The following PLCG1 variants were observed in gnomAD, a reference collection of about 807,000 sequenced individuals.
PLCG1 encodes 1-phosphatidylinositol 4,5-bisphosphate phosphodiesterase gamma-1.
PLCG1 carries 71 observed loss-of-function variants against 177.8 expected under a neutral mutation model. The observed-to-expected ratio is 0.40, with a 90% CI of 0.33 to 0.49. The LOEUF is 0.49. Among genes scored for constraint, PLCG1 ranks in the 20% least tolerant of loss-of-function variants. PLCG1 has a pLI of 0.72. For synonymous variants in PLCG1, 658 were observed against 647.9 expected (o/e 1.02, Z -0.24); for missense variants, 1,281 against 1,709.0 (o/e 0.75, Z 4.42).
rs1196052331 is a variant in PLCG1, at chr20:41,165,609, A to G, written c.1612-30A>G. The G allele has an allele frequency of 7.4e-6, 12 of 1,611,484 alleles. No individual in the cohort carries two copies. The highest frequency in any genetic ancestry group is 1.0e-5 in the Non-Finnish European group (12 of 1,177,764). On this transcript the variant is annotated intron_variant, in intron 15 of 31. Transcript: ENST00000685551. The surrounding 1 kb of genome is among the most constrained non-coding windows in gnomAD (Gnocchi z 6.6). The stretch of plus-strand genomic sequence containing the variant: ...CAGGTCAGGCCTGGGCCAGGGTCAC[A>G]GTATCTTTGCTGTTGCCTTCCCCTG...
Position 41,148,926 on chromosome 20 carries a change from TAA to T in PLCG1, c.218-10679_218-10678del, listed in dbSNP as rs1396082442. ...GCCACTCACCAACTGCCACCTTAGG[TAA>T]GTTAATTAACCTCTTTGTGCTCAAT... On this transcript the variant is annotated intron_variant, in intron 1 of 31. Coordinates refer to ENST00000685551, the MANE Select transcript of PLCG1 (RefSeq NM_002660.3). The surrounding 1 kb of genome is among the most constrained non-coding windows in gnomAD (Gnocchi z 4.3). Among the ~76,000 whole-genome samples, 2 of 152,184 alleles carry T rather than the reference TAA, an allele frequency of 1.3e-5. No individual in the cohort carries two copies. Among genetic ancestry groups the T allele is most frequent in the Non-Finnish European group, 2.9e-5 (2 of 68,036 alleles).
chr20:41,174,242 A>C lies in PLCG1; in HGVS notation c.3764A>C (p.Gln1255Pro), dbSNP rs781256647. 6.2e-7 allele frequency: 1 copy of C among 1,614,078 alleles called. No homozygotes were observed. Among genetic ancestry groups the C allele is most frequent in the Non-Finnish European group, 8.5e-7 (1 of 1,180,040 alleles). ...GAAGGCTCCTTTGAATCCCGCTACCAGCAGCCGTTTGAGGACTTCCGCATC... is the reference window on the plus strand; with the variant it reads ...GAAGGCTCCTTTGAATCCCGCTACCCGCAGCCGTTTGAGGACTTCCGCATC... ...AREGSFESRY[Q>P]QPFEDFRISQ... is the part of the protein sequence containing the mutation. The change falls in exon 31 of 32, where the codon CAG (glutamine) becomes CCG (proline). Residue 1255 changes from glutamine to proline, a missense_variant. Gln to Pro is a moderately conservative substitution (Grantham distance 76). Transcript: ENST00000685551. The surrounding 1 kb of genome is among the most constrained non-coding windows in gnomAD (Gnocchi z 5.8).
At chr20:41,170,352 C>G in intron 24 of PLCG1, 83 bp downstream of exon 24, 2 of 1,490,536 alleles carry the variant, frequency 1.3e-6, no homozygotes, top group Non-Finnish European at 1.9e-6. Context: ...CACAGGCCCC[C>G]TCAGAGCAGT....
At chr20:41,154,522 T>G (rs373539127) in intron 1 of PLCG1, among the ~76,000 whole-genome samples, 1 of 152,200 alleles carries the variant, frequency 6.6e-6, no homozygotes, top group Admixed American at 6.5e-5. Context: ...ACTGCCCTTA[T>G]GCACATCCTC....
At position 41,147,974 on chromosome 20, in the gene PLCG1, A is replaced by C. The variant is rs939867448; in HGVS notation, c.217+10116A>C. 2.0e-5 allele frequency among the ~76,000 whole-genome samples: 3 copies of C among 152,150 alleles called. No individual in the cohort carries two copies. Among genetic ancestry groups the C allele is most frequent in the Admixed American group, 1.3e-4 (2 of 15,268 alleles). On this transcript the variant is annotated intron_variant, in intron 1 of 31. Coordinates refer to ENST00000685551, the MANE Select transcript of PLCG1 (RefSeq NM_002660.3). This position sits in a 1 kb window ranked among gnomAD's most constrained non-coding sequence, Gnocchi z 4.0. ...GGGGCCCTGTTTCCCAGGAAGCAAA[A>C]AGGGAACAGGAGAGTGGCTTGGCTT...
chr20:41,170,187 T>TG lies in PLCG1; in HGVS notation c.2728dup (p.Asp910GlyfsTer19). On this transcript the variant is annotated frameshift_variant, in exon 24 of 32. Coordinates refer to ENST00000685551, the MANE Select transcript of PLCG1 (RefSeq NM_002660.3). LOFTEE classifies it high-confidence loss of function. ...ATGGCGTCGGTGGCCCACTGGTCCC[T>TG]GGATGTTGCTGCCGACTCACAGGAG... 6.2e-7 allele frequency: 1 copy of TG among 1,614,106 alleles called. No homozygotes were observed. Among genetic ancestry groups the TG allele is most frequent in the South Asian group, 1.1e-5 (1 of 91,076 alleles).
rs142031150 is a variant in PLCG1 at position 41,153,669 on chromosome 20, G to A, written c.218-5937G>A. On this transcript the variant is annotated intron_variant, in intron 1 of 31. Transcript: ENST00000685551. This position sits in a 1 kb window ranked among gnomAD's most constrained non-coding sequence, Gnocchi z 5.1. ...CCCAGCACTTTGGGAGGCCGAGGCA[G>A]GCGAATCACTGGAGGTCAGGAGTTT... Among the ~76,000 whole-genome samples, 53 of 152,306 alleles carry A rather than the reference G, an allele frequency of 3.5e-4. 2 individuals carry two copies. The East Asian group carries it at 4.2e-3, about 12-fold the overall frequency.
chr20:41,173,974 C>T lies in PLCG1; in HGVS notation c.3608C>T (p.Ala1203Val), dbSNP rs1318448095. The part of the protein sequence containing the change: ...KNNYSEDLEL[A>V]SLLIKIDIFP... ...AACTACAGTGAGGACCTGGAGTTGGCCTCCCTGCTGATCAAGATTGACATT... is the reference window on the plus strand; with the variant it reads ...AACTACAGTGAGGACCTGGAGTTGGTCTCCCTGCTGATCAAGATTGACATT... The change falls in exon 30 of 32, where the codon GCC becomes GTC. Residue 1203 changes from alanine to valine, a missense_variant. Around this residue, in one of 4 missense-constraint regions of PLCG1, gnomAD observed 153 missense variants for 153.2 expected, o/e 1.00. Coordinates refer to ENST00000685551, the MANE Select transcript of PLCG1 (RefSeq NM_002660.3). The surrounding 1 kb of genome is among the most constrained non-coding windows in gnomAD (Gnocchi z 6.2). 5 of 1,613,970 alleles carry T rather than the reference C, an allele frequency of 3.1e-6. No individual in the cohort carries two copies. The highest frequency in any genetic ancestry group is 3.4e-6 in the Non-Finnish European group (4 of 1,179,966).
intron 1 of PLCG1, among the ~76,000 whole-genome samples, chr20:41,141,393 GA>G (rs1196752584): frequency 2.0e-5 from 3 of 152,254 alleles, no homozygotes; most frequent in Non-Finnish European, 2.9e-5. Context: ...GAGGGTGGCG[GA>G]AGAAAACAGC....
At position 41,172,309 on chromosome 20, in the gene PLCG1, C is replaced by T. The variant is rs369641099; in HGVS notation, c.2905+20C>T. On this transcript the variant is annotated intron_variant, in intron 25 of 31. Transcript: ENST00000685551. This position sits in a 1 kb window ranked among gnomAD's most constrained non-coding sequence, Gnocchi z 7.0. ...AAGAGAGTAAGGGCCAGGGCCCAGG[C>T]GGGGTGTGCATGTGCCTGGAGGGCC... The T allele has an allele frequency of 2.1e-5, 33 of 1,601,974 alleles. No homozygotes were observed. Among genetic ancestry groups the T allele is most frequent in the African/African-American group, 5.4e-5 (4 of 74,644 alleles).
In PLCG1 at chr20:41,176,033, T is replaced by C. The variant is rs1414493888; in HGVS notation, c.*1524T>C. The C allele has an allele frequency of 6.6e-6, 1 of 152,168 alleles. No individual in the cohort carries two copies. The highest frequency in any genetic ancestry group is 1.5e-5 in the Non-Finnish European group (1 of 68,034). 9.4% of individuals were successfully genotyped at this position (152,168 alleles called of 1,614,324 possible). On this transcript the variant is annotated 3_prime_UTR_variant, in exon 32 of 32. Coordinates refer to ENST00000685551, the MANE Select transcript of PLCG1 (RefSeq NM_002660.3). ...TTTCCAGTTCCACAGAAACCTCTCC[T>C]TTCAAAAATGTTGCATTCAGTTCGT... is the stretch of plus-strand genomic sequence containing the variant.
chr20:41,137,579 C>T lies in PLCG1; in HGVS notation c.-63C>T. On this transcript the variant is annotated 5_prime_UTR_variant, in exon 1 of 32. Coordinates refer to ENST00000685551, the MANE Select transcript of PLCG1 (RefSeq NM_002660.3). The surrounding 1 kb of genome is among the most constrained non-coding windows in gnomAD (Gnocchi z 7.3). ...CAGCCTCAGCCCCAACCTCAGCCGCCGCCGTTGCGCTTGCTCCCGGGCGGT... is the reference window on the plus strand; with the variant it reads ...CAGCCTCAGCCCCAACCTCAGCCGCTGCCGTTGCGCTTGCTCCCGGGCGGT... The T allele has an allele frequency of 1.9e-6, 2 of 1,037,912 alleles. No individual in the cohort carries two copies. The highest frequency in any genetic ancestry group is 2.5e-6 in the Non-Finnish European group (2 of 805,556). The allele number at this position is 1,037,912 out of a possible 1,614,324, so 64.3% of individuals were successfully genotyped here.
chr20:41,157,281 A>T lies in PLCG1; in HGVS notation c.218-2325A>T, dbSNP rs903080075. Among the ~76,000 whole-genome samples, 18 of 137,510 alleles carry T rather than the reference A, an allele frequency of 1.3e-4. No homozygotes were observed. The highest frequency in any genetic ancestry group is 2.3e-4 in the Non-Finnish European group (15 of 64,856). 90.2% of individuals were successfully genotyped at this position (137,510 alleles called of 152,430 possible). On this transcript the variant is annotated intron_variant, in intron 1 of 31. Coordinates refer to ENST00000685551, the MANE Select transcript of PLCG1 (RefSeq NM_002660.3). The surrounding 1 kb of genome is among the most constrained non-coding windows in gnomAD (Gnocchi z 5.4). ...CTTTGCAAGAAGGTGTGGGAGGGGG[A>T]TGACAGCAGCTCCACACCGGAAGAG...
rs35010470 is a variant in PLCG1, at chr20:41,169,185, G to A, written c.2580+10G>A. On this transcript the variant is annotated intron_variant, in intron 22 of 31. Transcript: ENST00000685551. ...GGAGCCGGAGAGGGAGGTAAGACCAGAACCACCTGAGTAACAGCATTCCCT... is the reference window on the plus strand; with the variant it reads ...GGAGCCGGAGAGGGAGGTAAGACCAAAACCACCTGAGTAACAGCATTCCCT... 59 of 1,567,388 alleles carry A rather than the reference G, an allele frequency of 3.8e-5. No individual in the cohort carries two copies. The Admixed American group carries it at 9.8e-4, about 26-fold the overall frequency.
In PLCG1 at chr20:41,167,853, A is replaced by T; in HGVS notation, c.2303A>T (p.Glu768Val). ...TATCCCATTGTGTCCTGTTTCCAGGAGCCTGACTACGGGGCCCTGTATGAG... is the reference window on the plus strand; with the variant it reads ...TATCCCATTGTGTCCTGTTTCCAGGTGCCTGACTACGGGGCCCTGTATGAG... ...EEALEKIGTA[E>V]PDYGALYEGR... The change falls in exon 20 of 32, where the codon GAG (glutamate) becomes GTG (valine). Residue 768 changes from glutamate to valine, a missense_variant and splice_region_variant. Coordinates refer to ENST00000685551, the MANE Select transcript of PLCG1 (RefSeq NM_002660.3). The surrounding 1 kb of genome is among the most constrained non-coding windows in gnomAD (Gnocchi z 4.4). 6.2e-7 allele frequency: 1 copy of T among 1,611,482 alleles called. No individual in the cohort carries two copies. Among genetic ancestry groups the T allele is most frequent in the South Asian group, 1.1e-5 (1 of 91,024 alleles).
Position 41,163,521 on chromosome 20 carries a change from T to A in PLCG1, c.891+42T>A, listed in dbSNP as rs1171506739. ...ACCCATTTTTTGTCAAGAGAATGAG[T>A]AGGGGTGACCAGGACCCCACCCGGG... On this transcript the variant is annotated intron_variant, in intron 9 of 31. Coordinates refer to ENST00000685551, the MANE Select transcript of PLCG1 (RefSeq NM_002660.3). The surrounding 1 kb of genome is among the most constrained non-coding windows in gnomAD (Gnocchi z 5.2). The A allele has an allele frequency of 3.5e-6, 5 of 1,441,254 alleles. No individual in the cohort carries two copies. In the South Asian group the frequency reaches 4.5e-5, roughly 13 times the overall value. 89.3% of individuals were successfully genotyped at this position (1,441,254 alleles called of 1,614,324 possible).
intron 23 of PLCG1, 99 bp from the exon 24 acceptor site, chr20:41,170,013 G>A (rs2035840478): frequency 9.1e-7 from 1 of 1,096,952 alleles, no homozygotes. Flanking sequence ...GAGGAAATGG[G>A]ATGAGATAGA....
rs867940671 is a variant in PLCG1 at position 41,172,086 on chromosome 20, A to G, written c.2809-107A>G. The G allele has an allele frequency of 2.5e-6, 2 of 806,262 alleles. No individual in the cohort carries two copies. Among genetic ancestry groups the G allele is most frequent in the Middle Eastern group, 2.7e-4 (1 of 3,662 alleles). 49.9% of individuals were successfully genotyped at this position (806,262 alleles called of 1,614,324 possible). The stretch of plus-strand genomic sequence containing the variant: ...TGGAAGGTACAGGGGAAGGTGGGAG[A>G]GGGGCCCAGAGCACCTGCAGTGTGG... On this transcript the variant is annotated intron_variant, in intron 24 of 31. Coordinates refer to ENST00000685551, the MANE Select transcript of PLCG1 (RefSeq NM_002660.3). This position sits in a 1 kb window ranked among gnomAD's most constrained non-coding sequence, Gnocchi z 7.0.
rs1226213022 is a variant in PLCG1 at position 41,160,754 on chromosome 20, A to G, written c.512+601A>G. ...GGTAGGAAGTGGCTGGATTTTGGCC[A>G]TGTTGTATTTTGAAGATAGCGCCAG... On this transcript the variant is annotated intron_variant, in intron 4 of 31. Transcript: ENST00000685551. The surrounding 1 kb of genome is among the most constrained non-coding windows in gnomAD (Gnocchi z 5.5). 1.3e-5 allele frequency among the ~76,000 whole-genome samples: 2 copies of G among 152,190 alleles called. No homozygotes were observed. Among genetic ancestry groups the G allele is most frequent in the African/African-American group, 4.8e-5 (2 of 41,448 alleles).
Sources: gnomAD v4.1 joint callset for allele counts (sites outside exome capture counted in the v4.1 genomes callset) on GRCh38, gnomAD v4.1.1 for gene constraint, gnomAD v4.1.1 regional missense constraint, Gnocchi (gnomAD v3.1) non-coding constraint, MANE v1.5 for transcripts, NCBI Gene and HGNC (gene_info 2026-07-23, HGNC 2026-07-21) for gene names.